The following FOXP1 variants were observed in gnomAD, a reference collection of about 807,000 sequenced individuals.
FOXP1 encodes forkhead box protein P1.
In FOXP1, 15 loss-of-function variants were observed where a neutral mutation model predicts 98.2. The observed-to-expected ratio is 0.15, with a 90% confidence interval of 0.10 to 0.24. The LOEUF is 0.24. Ranked by LOEUF, FOXP1 falls within the 10% of genes least tolerant of loss-of-function variation. The pLI, the probability that FOXP1 is intolerant of heterozygous loss-of-function variation, is 1.00. For synonymous variants in FOXP1, 371 were observed against 314.5 expected (o/e 1.18, Z -1.90); for missense variants, 633 against 848.5 (o/e 0.75, Z 3.15).
chr3:71,315,895 C>T (rs2075047666), intron 4 of FOXP1, among the ~76,000 whole-genome samples: 1 of 152,240 alleles, frequency 6.6e-6, no homozygotes, highest in African/African-American at 2.4e-5. Flanking sequence ...TGAAGTCCTT[C>T]ACTTCCAGGC....
chr3:71,298,474 AAAAAAGAAAAAAAG>A (rs149543468), intron 5 of FOXP1, among the ~76,000 whole-genome samples: 37,563 of 151,672 alleles, frequency 0.25, 4,810 homozygotes, highest in Middle Eastern at 0.29. Flanking sequence ...CAAAAAGAAA[AAAAAAGAAAAAAAG>A]AAAAAGAAAA....
intron 5 of FOXP1, among the ~76,000 whole-genome samples, chr3:71,297,504 A>C (rs1271131786): frequency 6.7e-6 from 1 of 149,292 alleles, no homozygotes; most frequent in African/African-American, 2.4e-5. Flanking sequence ...AAAAAAAAAA[A>C]CAAAACAACA....
At chr3:71,436,746 T>A (rs1294753914) in intron 3 of FOXP1, among the ~76,000 whole-genome samples, 1 of 152,038 alleles carries the variant, frequency 6.6e-6, no homozygotes, top group Non-Finnish European at 1.5e-5. Flanking sequence ...TACACCAAAA[T>A]ACCTGGAAAC....
intron 5 of FOXP1, among the ~76,000 whole-genome samples, chr3:71,229,818 A>C (rs1417292980): frequency 2.0e-5 from 3 of 151,262 alleles, no homozygotes; most frequent in Non-Finnish European, 4.4e-5. Flanking sequence ...CTGTCTAGTA[A>C]ACAACAACAA....
chr3:71,232,982 AC>A (rs1482546783), intron 5 of FOXP1, among the ~76,000 whole-genome samples: 50 of 150,700 alleles, frequency 3.3e-4, no homozygotes, highest in African/African-American at 1.1e-3. Context: ...TACTACTACT[AC>A]TAATAATAAT....
chr3:71,431,868 T>C (rs1288698894), intron 3 of FOXP1, among the ~76,000 whole-genome samples: 3 of 152,342 alleles, frequency 2.0e-5, no homozygotes, highest in African/African-American at 7.2e-5. Context: ...GTAGTGTCTA[T>C]GGAAAACCAA....
intron 3 of FOXP1, among the ~76,000 whole-genome samples, chr3:71,434,654 G>GTGTA (rs1553883040): frequency 8.6e-5 from 13 of 151,820 alleles, no homozygotes; most frequent in Non-Finnish European, 1.6e-4. Context: ...GTGTGTGTGT[G>GTGTA]TGTGTGTGTG....
intron 13 of FOXP1, among the ~76,000 whole-genome samples, chr3:70,994,285 C>A (rs2041054483): frequency 6.6e-6 from 1 of 151,790 alleles, no homozygotes; most frequent in African/African-American, 2.4e-5. Context: ...CCCAGCTTGC[C>A]CAGGACTCTT....
At chr3:71,507,897 G>A (rs2041940967) in intron 2 of FOXP1, among the ~76,000 whole-genome samples, 2 of 152,196 alleles carry the variant, frequency 1.3e-5, no homozygotes, top group Admixed American at 6.5e-5. Context: ...ACTTTTTAAA[G>A]TTATTTGAGT....
chr3:71,132,861 G>A (rs1343799838), intron 6 of FOXP1, among the ~76,000 whole-genome samples: 1 of 151,988 alleles, frequency 6.6e-6, no homozygotes, highest in African/African-American at 2.4e-5. Flanking sequence ...GATCCTAAGA[G>A]TGTTTTTTCA....
At chr3:71,270,896 G>A (rs899743364) in intron 5 of FOXP1, among the ~76,000 whole-genome samples, 2 of 152,140 alleles carry the variant, frequency 1.3e-5, no homozygotes, top group Non-Finnish European at 2.9e-5. Context: ...CCCTCCCAAG[G>A]TGCAAGATAT....
chr3:71,462,714 C>T (rs1418884392), intron 3 of FOXP1, among the ~76,000 whole-genome samples: 1 of 152,176 alleles, frequency 6.6e-6, no homozygotes. Flanking sequence ...CCGTGTAACT[C>T]CATTGTATTC....
intron 13 of FOXP1, among the ~76,000 whole-genome samples, chr3:70,990,754 G>A (rs1296683205): frequency 6.6e-6 from 1 of 152,212 alleles, no homozygotes; most frequent in Non-Finnish European, 1.5e-5. Flanking sequence ...AAACATTAGA[G>A]GGAGCTGCTT....
intron 11 of FOXP1, among the ~76,000 whole-genome samples, chr3:71,019,217 A>C (rs1254355085): frequency 6.6e-6 from 1 of 152,250 alleles, no homozygotes; most frequent in East Asian, 1.9e-4. Flanking sequence ...AGCTACATTT[A>C]CAGGATGAAA....
intron 2 of FOXP1, among the ~76,000 whole-genome samples, chr3:71,497,934 C>T (rs1163828116): frequency 2.0e-5 from 3 of 152,082 alleles, no homozygotes; most frequent in South Asian, 2.1e-4. Flanking sequence ...ATTAATTGTG[C>T]CATATTCAAT....
intron 3 of FOXP1, among the ~76,000 whole-genome samples, chr3:71,431,342 C>T (rs1577463171): frequency 6.6e-6 from 1 of 152,040 alleles, no homozygotes; most frequent in Non-Finnish European, 1.5e-5. Flanking sequence ...AGATGCTTGC[C>T]CAGGAAGTAC....
chr3:71,487,150 C>T (rs62247171), intron 3 of FOXP1, among the ~76,000 whole-genome samples: 36,739 of 151,312 alleles, frequency 0.24, 5,260 homozygotes, highest in Non-Finnish European at 0.33. Context: ...TCCAAAGTTA[C>T]GCAAATTGAA....
Position 70,956,930 on chromosome 3 carries a change from AG to A in FOXP1, c.*2316del, listed in dbSNP as rs2031972425. On this transcript the variant is annotated 3_prime_UTR_variant, in exon 21 of 21. Coordinates refer to ENST00000649528, the MANE Select transcript of FOXP1 (RefSeq NM_001349338.3). Reference sequence around the variant, plus strand: ...CTGACCAAAGCCTAATCGGAAAAAAAGGAAAAATTAAAAATAAAAACAAACT... The same window carrying A: ...CTGACCAAAGCCTAATCGGAAAAAAAGAAAAATTAAAAATAAAAACAAACT... The A allele has an allele frequency of 4.6e-6, 1 of 215,820 alleles. No individual in the cohort carries two copies. Among genetic ancestry groups the A allele is most frequent in the African/African-American group, 2.3e-5 (1 of 44,370 alleles). The allele number at this position is 215,820 out of a possible 1,614,324, so 13.4% of individuals were successfully genotyped here. A position where few individuals can be genotyped will look rare whatever the true frequency, so the allele number is the denominator to read the frequency against.
rs752181758 is a variant in FOXP1, at chr3:70,958,252, G to A, written c.*995C>T. Reference sequence around the variant, plus strand: ...AGAAAATCCGAAACACCCCTCCCCCGAACCACCCCCAATACTGCTGCGTGG... The same window carrying A: ...AGAAAATCCGAAACACCCCTCCCCCAAACCACCCCCAATACTGCTGCGTGG... On this transcript the variant is annotated 3_prime_UTR_variant, in exon 21 of 21. Transcript: ENST00000649528. The A allele has an allele frequency of 2.8e-5, 14 of 507,180 alleles. No individual in the cohort carries two copies. Among genetic ancestry groups the A allele is most frequent in the East Asian group, 8.0e-5 (2 of 24,924 alleles). The allele number at this position is 507,180 out of a possible 1,614,324, so 31.4% of individuals were successfully genotyped here. A position where few individuals can be genotyped will look rare whatever the true frequency, so the allele number is the denominator to read the frequency against.
Sources: gnomAD v4.1 joint callset for allele counts (sites outside exome capture counted in the v4.1 genomes callset) on GRCh38, gnomAD v4.1.1 for gene constraint, MANE v1.5 for transcripts, NCBI Gene and HGNC (gene_info 2026-07-23, HGNC 2026-07-21) for gene names.